The following TGFBR3 variants were observed in gnomAD, a reference collection of about 807,000 sequenced individuals.
TGFBR3 encodes the protein transforming growth factor beta receptor 3.
In TGFBR3, 46 loss-of-function variants were observed where a neutral mutation model predicts 87.9. The ratio of observed to expected loss-of-function variants is 0.52; its 90% CI spans 0.41 to 0.67. The LOEUF (loss-of-function observed/expected upper bound fraction) is 0.67, where lower values mean the gene tolerates loss of function less well. Among genes scored for constraint, TGFBR3 ranks in the 30% least tolerant of loss-of-function variants. The pLI, the probability that TGFBR3 is intolerant of heterozygous loss-of-function variation, is 0.00. For missense variants in TGFBR3, 866 were observed against 1,041.9 expected (o/e 0.83, Z 2.32); for synonymous variants, 381 against 391.6 (o/e 0.97, Z 0.32).
At chr1:91,865,740 G>A (rs1044854203) in intron 1 of TGFBR3, among the ~76,000 whole-genome samples, 13 of 151,618 alleles carry the variant, frequency 8.6e-5, no homozygotes, top group South Asian at 2.1e-4. Context: ...GTGAAACCCC[G>A]TTTCTACTTA....
At chr1:91,755,161 GTTATC>G (rs1673693905) in intron 4 of TGFBR3, 1 of 152,084 alleles carries the variant, frequency 6.6e-6, no homozygotes, top group Non-Finnish European at 1.5e-5. Flanking sequence ...AAATAATTTA[GTTATC>G]TTATCCCCAA....
chr1:91,839,491 G>A (rs527502419), intron 2 of TGFBR3, among the ~76,000 whole-genome samples: 1 of 152,240 alleles, frequency 6.6e-6, no homozygotes, highest in South Asian at 2.1e-4. Context: ...GAGAATTCTG[G>A]CAGACATCAC....
chr1:91,831,026 A>G (rs1676842939), intron 2 of TGFBR3, among the ~76,000 whole-genome samples: 1 of 152,164 alleles, frequency 6.6e-6, no homozygotes, highest in African/African-American at 2.4e-5. Flanking sequence ...GTTAGAAATC[A>G]TCACCATTGT....
At chr1:91,850,451 T>G (rs1677683887) in intron 2 of TGFBR3, among the ~76,000 whole-genome samples, 1 of 152,248 alleles carries the variant, frequency 6.6e-6, no homozygotes, top group South Asian at 2.1e-4. Flanking sequence ...CACAGGAAAA[T>G]GCTGTAGCAG....
intron 14 of TGFBR3, among the ~76,000 whole-genome samples, chr1:91,704,705 T>A (rs1400666535): frequency 6.6e-6 from 1 of 152,212 alleles, no homozygotes; most frequent in Non-Finnish European, 1.5e-5. Flanking sequence ...TTTCATCTAT[T>A]GTTAAAAATT....
intron 2 of TGFBR3, among the ~76,000 whole-genome samples, chr1:91,825,458 A>G (rs1452324388): frequency 6.6e-6 from 1 of 152,216 alleles, no homozygotes; most frequent in African/African-American, 2.4e-5. Context: ...CAGAAAATAG[A>G]TTAGTAGTTA....
intron 2 of TGFBR3, among the ~76,000 whole-genome samples, chr1:91,812,219 C>T (rs532156759): frequency 6.6e-6 from 1 of 152,226 alleles, no homozygotes; most frequent in Admixed American, 6.5e-5. Flanking sequence ...AGTAGTAATT[C>T]CTTCTCTCAG....
At chr1:91,825,654 T>A (rs77455372) in intron 2 of TGFBR3, among the ~76,000 whole-genome samples, 2 of 152,334 alleles carry the variant, frequency 1.3e-5, no homozygotes, top group East Asian at 3.9e-4. Context: ...CTCAATAAAC[T>A]TGTTATAAAA....
chr1:91,849,809 G>A (rs1037669772), intron 2 of TGFBR3, among the ~76,000 whole-genome samples: 10 of 152,124 alleles, frequency 6.6e-5, no homozygotes, highest in Admixed American at 2.6e-4. Flanking sequence ...AAAGGCCAGC[G>A]AGGTGGCTCA....
At chr1:91,815,167 T>C (rs1676171384) in intron 2 of TGFBR3, among the ~76,000 whole-genome samples, 1 of 151,958 alleles carries the variant, frequency 6.6e-6, no homozygotes, top group East Asian at 1.9e-4. Context: ...CCGAGCATGG[T>C]TGTGGGGGCC....
At chr1:91,715,444 A>G (rs1672132370) in intron 12 of TGFBR3, among the ~76,000 whole-genome samples, 1 of 152,186 alleles carries the variant, frequency 6.6e-6, no homozygotes, top group South Asian at 2.1e-4. Flanking sequence ...TTGTGCCTCA[A>G]TTTTCTCATC....
chr1:91,897,477 T>A (rs748694202), intron 2 of TGFBR3, among the ~76,000 whole-genome samples: 1 of 152,250 alleles, frequency 6.6e-6, no homozygotes, highest in Non-Finnish European at 1.5e-5. Context: ...TTTCATTGTA[T>A]ATATTGGTTC....
intron 2 of TGFBR3, among the ~76,000 whole-genome samples, chr1:91,804,461 C>A (rs1035096918): frequency 6.6e-6 from 1 of 152,190 alleles, no homozygotes; most frequent in African/African-American, 2.4e-5. Context: ...CCACAGCCAG[C>A]TCATGAACCT....
In TGFBR3 at chr1:91,722,074, T is replaced by C. The variant is rs769150204; in HGVS notation, c.956A>G (p.Asp319Gly). 6.2e-7 allele frequency: 1 copy of C among 1,613,992 alleles called. No individual in the cohort carries two copies. Among genetic ancestry groups the C allele is most frequent in the Non-Finnish European group, 8.5e-7 (1 of 1,179,930 alleles). ...CAGATTCCCTTGGGTTGAAGGAATG[T>C]CATCTCTTATTGATTTGGTCATTGT... ...SMTMTKSIRD[D>G]IPSTQGNLVK... Residue 319 changes from aspartate (D) to glycine (G), a missense_variant, in exon 8 of 17, where the codon GAC becomes GGC. By Grantham distance (94) the Asp-to-Gly change is moderately conservative. Coordinates refer to ENST00000212355, the MANE Select transcript of TGFBR3 (RefSeq NM_003243.5).
At chr1:91,715,999 TG>T (rs67268182) in intron 12 of TGFBR3, among the ~76,000 whole-genome samples, 3,539 of 151,584 alleles carry the variant, frequency 0.023, 128 homozygotes, top group African/African-American at 0.08. Context: ...TTTTTTTTTT[TG>T]TTAACATTCA....
intron 10 of TGFBR3, among the ~76,000 whole-genome samples, chr1:91,717,074 G>C (rs1372577847): frequency 6.6e-6 from 1 of 152,220 alleles, no homozygotes; most frequent in Non-Finnish European, 1.5e-5. Flanking sequence ...ACCGTGAGAA[G>C]GGGCTTCCCC....
chr1:91,814,358 T>C (rs1676138735), intron 2 of TGFBR3, among the ~76,000 whole-genome samples: 1 of 152,184 alleles, frequency 6.6e-6, no homozygotes, highest in South Asian at 2.1e-4. Flanking sequence ...TCATAATTTA[T>C]CCTAGATTTC....
intron 1 of TGFBR3, among the ~76,000 whole-genome samples, chr1:91,877,024 A>G (rs1032632347): frequency 1.3e-5 from 2 of 152,216 alleles, no homozygotes; most frequent in Non-Finnish European, 2.9e-5. Flanking sequence ...CTTCAGGGTT[A>G]TAAGAGTTGC....
chr1:91,829,178 C>A (rs1309908815), intron 2 of TGFBR3, among the ~76,000 whole-genome samples: 1 of 151,988 alleles, frequency 6.6e-6, no homozygotes, highest in Non-Finnish European at 1.5e-5. Flanking sequence ...GAGTTCAAGA[C>A]CAGCCTGGAG....
Sources: gnomAD v4.1 joint callset for allele counts (sites outside exome capture counted in the v4.1 genomes callset) on GRCh38, gnomAD v4.1.1 for gene constraint, MANE v1.5 for transcripts, NCBI Gene and HGNC (gene_info 2026-07-23, HGNC 2026-07-21) for gene names.